Variants in COMMD9 observed in about 807,000 individuals in gnomAD.
COMMD9 encodes COMM domain containing 9.
In COMMD9, 22 loss-of-function variants were observed where a neutral mutation model predicts 23.4. The observed-to-expected ratio is 0.94, with a 90% CI of 0.67 to 1.34. The LOEUF (loss-of-function observed/expected upper bound fraction) is 1.34. Ranked by LOEUF, COMMD9 falls within the 40% of genes most tolerant of loss-of-function variation. The pLI, the probability that COMMD9 is intolerant of heterozygous loss-of-function variation, is 0.00. For synonymous variants in COMMD9, 99 were observed against 97.4 expected (o/e 1.02, Z -0.10); for missense variants, 231 against 240.2 (o/e 0.96, Z 0.25).
intron 1 of COMMD9, among the ~76,000 whole-genome samples, chr11:36,287,124 T>C (rs1490408444): frequency 3.6e-5 from 2 of 56,250 alleles, no homozygotes; most frequent in African/African-American, 1.0e-4. Flanking sequence ...GTATACTACA[T>C]ACTATGTATA....
At chr11:36,278,793 G>A (rs146971758) in intron 2 of COMMD9, among the ~76,000 whole-genome samples, 177 bp from the exon 3 acceptor site, 1 of 152,358 alleles carries the variant, frequency 6.6e-6, no homozygotes, top group Non-Finnish European at 1.5e-5. Context: ...GCCTTGGCCT[G>A]CCTCGGAGTT....
intron 1 of COMMD9, among the ~76,000 whole-genome samples, chr11:36,285,463 T>G (rs1856135701): frequency 1.3e-5 from 2 of 152,046 alleles, no homozygotes; most frequent in South Asian, 4.1e-4. Context: ...CAATCTCCAC[T>G]AGAAAAACAG....
intron 1 of COMMD9, among the ~76,000 whole-genome samples, chr11:36,281,333 C>T (rs1286530626): frequency 6.6e-6 from 1 of 152,206 alleles, no homozygotes. Context: ...AGAAAAACTG[C>T]AGCCCCACCC....
At chr11:36,284,982 A>G (rs929221347) in intron 1 of COMMD9, among the ~76,000 whole-genome samples, 1 of 152,208 alleles carries the variant, frequency 6.6e-6, no homozygotes, top group Non-Finnish European at 1.5e-5. Context: ...TAAACAGGAA[A>G]GCATAATAAA....
intron 4 of COMMD9, 53 bp from the exon 5 acceptor site, chr11:36,276,293 A>G (rs550328438): frequency 7.6e-7 from 1 of 1,322,810 alleles, no homozygotes; most frequent in African/African-American, 1.4e-5. Context: ...TTTACCAAGC[A>G]TTTATTGTAC....
chr11:36,276,009 A>C, intron 5 of COMMD9, 128 bp downstream of exon 5: 1 of 652,678 alleles, frequency 1.5e-6, no homozygotes, highest in Non-Finnish European at 2.8e-6. Context: ...TAACTAAACA[A>C]AGGAGGATAA....
Position 36,274,016 on chromosome 11 carries a change from G to A in COMMD9, c.*616C>T. 4.3e-6 allele frequency: 1 copy of A among 231,352 alleles called. No homozygotes were observed. The allele number at this position is 231,352 out of a possible 1,614,324, so 14.3% of individuals were successfully genotyped here. A position where few individuals can be genotyped will look rare whatever the true frequency, so the allele number is the denominator to read the frequency against. On this transcript the variant is annotated 3_prime_UTR_variant, in exon 6 of 6. Coordinates refer to ENST00000263401, the MANE Select transcript of COMMD9 (RefSeq NM_014186.4). ...ATTCCCACTTCTTCACCTAGGAGTG[G>A]CTGCATTAGATGAAGGAAGAGGGCC...
intron 1 of COMMD9, among the ~76,000 whole-genome samples, chr11:36,282,580 C>T (rs932758261): frequency 1.3e-5 from 2 of 151,980 alleles, no homozygotes; most frequent in African/African-American, 4.8e-5. Context: ...AAGAAGAAAT[C>T]GAGACATTCT....
intron 2 of COMMD9, 82 bp from the exon 3 acceptor site, chr11:36,278,698 A>G: frequency 7.1e-7 from 1 of 1,416,518 alleles, no homozygotes; most frequent in Non-Finnish European, 9.6e-7. Flanking sequence ...GCAGGGCTCT[A>G]CACCCCGAAG....
chr11:36,283,190 C>T (rs80256377), intron 1 of COMMD9, among the ~76,000 whole-genome samples: 10,808 of 152,246 alleles, frequency 0.071, 435 homozygotes, highest in South Asian at 0.1. Context: ...CACCCTCACA[C>T]ACTCAGAAAC....
At chr11:36,277,956 C>T (rs1201212038) in intron 3 of COMMD9, among the ~76,000 whole-genome samples, 1 of 152,162 alleles carries the variant, frequency 6.6e-6, no homozygotes, top group South Asian at 2.1e-4. Flanking sequence ...GCCAAACCCT[C>T]AAAATGTCCA....
intron 1 of COMMD9, 72 bp downstream of exon 1, chr11:36,289,290 C>A: frequency 2.1e-6 from 3 of 1,447,106 alleles, no homozygotes; most frequent in Non-Finnish European, 2.8e-6. Flanking sequence ...TCAATTTGTT[C>A]CCAATTCCTG....
intron 1 of COMMD9, among the ~76,000 whole-genome samples, chr11:36,285,461 A>C (rs1251031440): frequency 6.6e-6 from 1 of 152,140 alleles, no homozygotes; most frequent in Admixed American, 6.5e-5. Context: ...CACAATCTCC[A>C]CTAGAAAAAC....
chr11:36,288,844 G>A (rs1322294951), intron 1 of COMMD9, among the ~76,000 whole-genome samples: 2 of 152,214 alleles, frequency 1.3e-5, no homozygotes, highest in African/African-American at 2.4e-5. Context: ...GCCCTATGAA[G>A]TAGGTCCCTT....
chr11:36,281,630 G>C (rs1856068430), intron 1 of COMMD9, among the ~76,000 whole-genome samples: 1 of 152,220 alleles, frequency 6.6e-6, no homozygotes, highest in South Asian at 2.1e-4. Context: ...ACTTCCACCT[G>C]ATAGTAATGA....
In COMMD9 at chr11:36,280,873, T is replaced by C. The variant is rs773337809; in HGVS notation, c.52-36A>G. 1.0e-5 allele frequency: 15 copies of C among 1,503,290 alleles called. 1 individual carries two copies. Among genetic ancestry groups the C allele is most frequent in the Non-Finnish European group, 1.3e-5 (15 of 1,119,422 alleles). 93.1% of individuals were successfully genotyped at this position (1,503,290 alleles called of 1,614,324 possible). A position where few individuals can be genotyped will look rare whatever the true frequency, so the allele number is the denominator to read the frequency against. On this transcript the variant is annotated intron_variant, in intron 1 of 5. Transcript: ENST00000263401. ...AATCACAGATAGGAAAAAAAAAAAC[T>C]CAGACTCTGAAAACACATGTTTTGA...
In COMMD9 at chr11:36,276,156, G is replaced by A; in HGVS notation, c.437C>T (p.Thr146Ile). The change falls in exon 5 of 6, where the codon ACC becomes ATC. Residue 146 changes from threonine (T) to isoleucine (I), a missense_variant. Coordinates refer to ENST00000263401, the MANE Select transcript of COMMD9 (RefSeq NM_014186.4). ...ATGTACCTTCATCTGGAGCAGGCAG[G>A]TGGGGACGGCCATGCGGCTGATGCT... ...SDSISRMAVP[T>I]CLLQMKIQED... 1 of 1,613,786 alleles carries A rather than the reference G, an allele frequency of 6.2e-7. No individual in the cohort carries two copies.
chr11:36,278,230 CA>C, intron 3 of COMMD9: 1 of 395,808 alleles, frequency 2.5e-6, no homozygotes. Flanking sequence ...TTTGTAAAAA[CA>C]AAAACAAAAC....
In COMMD9 at chr11:36,287,143, T is replaced by C. The variant is rs753082200; in HGVS notation, c.51+2219A>G. The stretch of plus-strand genomic sequence containing the variant: ...ACTACATACTATGTATATCGCGTAG[T>C]ATGTATACTACATACTATGTATATC... On this transcript the variant is annotated intron_variant, in intron 1 of 5. Coordinates refer to ENST00000263401, the MANE Select transcript of COMMD9 (RefSeq NM_014186.4). Among the ~76,000 whole-genome samples the C allele has an allele frequency of 7.6e-3, 356 of 46,724 alleles. 49 individuals carry two copies. The highest frequency in any genetic ancestry group is 0.036 in the East Asian group (47 of 1,294). 30.7% of individuals were successfully genotyped at this position (46,724 alleles called of 152,430 possible). A position where few individuals can be genotyped will look rare whatever the true frequency, so the allele number is the denominator to read the frequency against.
Sources: gnomAD v4.1 joint callset for allele counts (sites outside exome capture counted in the v4.1 genomes callset) on GRCh38, gnomAD v4.1.1 for gene constraint, MANE v1.5 for transcripts, NCBI Gene and HGNC (gene_info 2026-07-23, HGNC 2026-07-21) for gene names.